Variants in PRKN observed in about 807,000 individuals in gnomAD.
PRKN encodes parkin RBR E3 ubiquitin protein ligase, also known as E3 ubiquitin-protein ligase parkin.
Under a neutral mutation model 59.5 loss-of-function variants are expected in PRKN, and 56 were observed. That is an observed-to-expected ratio of 0.94 (90% CI 0.76 to 1.18). PRKN has a LOEUF of 1.18. PRKN is among the 50% of genes most tolerant of loss of function. The pLI, the probability that PRKN is intolerant of heterozygous loss-of-function variation, is 0.00. For synonymous variants in PRKN, 250 were observed against 222.1 expected (o/e 1.13, Z -1.12); for missense variants, 657 against 596.4 (o/e 1.10, Z -1.06).
At chr6:162,495,386 T>G (rs543629572) in intron 1 of PRKN, among the ~76,000 whole-genome samples, 2 of 152,310 alleles carry the variant, frequency 1.3e-5, no homozygotes, top group Admixed American at 1.3e-4. Context: ...TATTTCAGTC[T>G]CAAATATTTT....
At chr6:162,331,800 G>A (rs893185191) in intron 2 of PRKN, among the ~76,000 whole-genome samples, 12 of 152,020 alleles carry the variant, frequency 7.9e-5, no homozygotes, top group African/African-American at 2.9e-4. Flanking sequence ...TTTCTTTCTT[G>A]CTGACTGAGA....
chr6:161,544,019 A>G lies in PRKN; in HGVS notation c.1083+4835T>C, dbSNP rs1004699699. Among the ~76,000 whole-genome samples the G allele has an allele frequency of 2.0e-5, 3 of 152,244 alleles. No homozygotes were observed. Among genetic ancestry groups the G allele is most frequent in the African/African-American group, 7.2e-5 (3 of 41,472 alleles). On this transcript the variant is annotated intron_variant, in intron 9 of 11. Coordinates refer to ENST00000366898, the MANE Select transcript of PRKN (RefSeq NM_004562.3). The surrounding 1 kb of genome is among the most constrained non-coding windows in gnomAD (Gnocchi z 5.5). ...ATCAATTAATTTTTTTATGAGCAGT[A>G]GTAAAAATAGGATCTAGGGTTAGCA...
At chr6:162,497,910 A>C (rs1021167741) in intron 1 of PRKN, among the ~76,000 whole-genome samples, 1 of 152,230 alleles carries the variant, frequency 6.6e-6, no homozygotes. Flanking sequence ...AAGATTTGAA[A>C]TGTTCCCAAC....
rs578134368 is a variant in PRKN at position 162,090,959 on chromosome 6, A to G, written c.535-36785T>C. ...CCCTCATTGCTTTCCAGCTATTTAC[A>G]CTTGCCAGTATAATACAAGATTCTT... On this transcript the variant is annotated intron_variant, in intron 4 of 11. Coordinates refer to ENST00000366898, the MANE Select transcript of PRKN (RefSeq NM_004562.3). Among the ~76,000 whole-genome samples, 39 of 141,340 alleles carry G rather than the reference A, an allele frequency of 2.8e-4. 1 individual carries two copies. Among genetic ancestry groups the G allele is most frequent in the Non-Finnish European group, 4.8e-4 (29 of 60,320 alleles). 92.7% of individuals were successfully genotyped at this position (141,340 alleles called of 152,430 possible). A position where few individuals can be genotyped will look rare whatever the true frequency, so the allele number is the denominator to read the frequency against.
rs750049993 is a variant in PRKN at position 161,447,864 on chromosome 6, ACAGGC to A, written c.1084-60992_1084-60988del. Among the ~76,000 whole-genome samples the A allele has an allele frequency of 6.6e-5, 10 of 152,128 alleles. No homozygotes were observed. The highest frequency in any genetic ancestry group is 1.2e-4 in the Non-Finnish European group (8 of 68,024). On this transcript the variant is annotated intron_variant, in intron 9 of 11. Coordinates refer to ENST00000366898, the MANE Select transcript of PRKN (RefSeq NM_004562.3). This position sits in a 1 kb window ranked among gnomAD's most constrained non-coding sequence, Gnocchi z 4.1. ...AAAATTTCAGGACCTTCCAAATTTCACAGGCCTAGAGGAAAGTTAAGCCCTGGAAA... is the reference window on the plus strand; with the variant it reads ...AAAATTTCAGGACCTTCCAAATTTCACTAGAGGAAAGTTAAGCCCTGGAAA...
intron 3 of PRKN, among the ~76,000 whole-genome samples, chr6:162,206,687 A>G (rs1453698377): frequency 5.3e-5 from 8 of 152,158 alleles, no homozygotes; most frequent in Admixed American, 5.2e-4. Context: ...GCATGGCCAG[A>G]GTTTCTGGAC....
chr6:161,852,884 T>C (rs1181071020), intron 6 of PRKN, among the ~76,000 whole-genome samples: 1 of 152,160 alleles, frequency 6.6e-6, no homozygotes, highest in Non-Finnish European at 1.5e-5. Context: ...GAGCACCGCG[T>C]GGGCCTCTGA....
intron 1 of PRKN, among the ~76,000 whole-genome samples, chr6:162,678,646 T>C (rs910624451): frequency 6.6e-6 from 1 of 152,222 alleles, no homozygotes; most frequent in Non-Finnish European, 1.5e-5. Flanking sequence ...ATTGGGTTGT[T>C]TTAGTATTTA....
intron 4 of PRKN, among the ~76,000 whole-genome samples, chr6:162,177,036 C>T (rs1004389780): frequency 1.3e-5 from 2 of 150,814 alleles, no homozygotes; most frequent in South Asian, 4.2e-4. Flanking sequence ...ATATTTTACT[C>T]ACACACAAAA....
At chr6:161,439,675 T>C (rs904195402) in intron 9 of PRKN, among the ~76,000 whole-genome samples, 2 of 149,662 alleles carry the variant, frequency 1.3e-5, no homozygotes, top group African/African-American at 5.0e-5. Flanking sequence ...GAGCTAGAAG[T>C]GTACCTTTGG....
chr6:161,651,114 T>C (rs1304649945), intron 7 of PRKN, among the ~76,000 whole-genome samples: 1 of 152,182 alleles, frequency 6.6e-6, no homozygotes, highest in East Asian at 1.9e-4. Context: ...CTAATGCTTG[T>C]CTTTAAGAAG....
chr6:161,905,377 C>T (rs1269374130), intron 6 of PRKN, among the ~76,000 whole-genome samples: 1 of 152,194 alleles, frequency 6.6e-6, no homozygotes, highest in Admixed American at 6.5e-5. Flanking sequence ...ATTCCTTACA[C>T]TAACTTTGAA....
At chr6:162,098,670 C>T (rs1370931867) in intron 4 of PRKN, among the ~76,000 whole-genome samples, 1 of 152,234 alleles carries the variant, frequency 6.6e-6, no homozygotes, top group Non-Finnish European at 1.5e-5. Context: ...CTATATTTTA[C>T]TCTTAATCTA....
At chr6:162,546,000 T>A (rs1779101942) in intron 1 of PRKN, among the ~76,000 whole-genome samples, 1 of 152,114 alleles carries the variant, frequency 6.6e-6, no homozygotes, top group Admixed American at 6.6e-5. Flanking sequence ...GTATATCTTC[T>A]ATGGCACACA....
chr6:161,958,647 G>A (rs1244799214), intron 6 of PRKN, among the ~76,000 whole-genome samples: 1 of 152,112 alleles, frequency 6.6e-6, no homozygotes, highest in African/African-American at 2.4e-5. Flanking sequence ...GGGAGGCCAA[G>A]ACAGGTGGAT....
At chr6:161,611,933 C>A (rs1236856704) in intron 7 of PRKN, among the ~76,000 whole-genome samples, 4 of 152,184 alleles carry the variant, frequency 2.6e-5, no homozygotes, top group Admixed American at 6.5e-5. Flanking sequence ...GATAAGAAAG[C>A]AAACAGCCTT....
intron 7 of PRKN, among the ~76,000 whole-genome samples, chr6:161,740,589 T>C (rs745463871): frequency 1.5e-4 from 23 of 152,304 alleles, no homozygotes; most frequent in East Asian, 9.6e-4. Flanking sequence ...GTTTGCAACA[T>C]TGATGAACAC....
intron 6 of PRKN, among the ~76,000 whole-genome samples, chr6:161,940,733 G>A (rs1328022300): frequency 6.6e-6 from 1 of 152,168 alleles, no homozygotes; most frequent in African/African-American, 2.4e-5. Flanking sequence ...TGACTGTTCA[G>A]AAATCAGAAT....
At chr6:162,552,283 G>A (rs1034027482) in intron 1 of PRKN, among the ~76,000 whole-genome samples, 2 of 152,096 alleles carry the variant, frequency 1.3e-5, no homozygotes, top group African/African-American at 4.8e-5. Flanking sequence ...GTGCAATGTA[G>A]GGGGAAAAAA....
Sources: allele counts gnomAD v4.1 joint callset (sites outside exome capture counted in the v4.1 genomes callset), GRCh38; gene constraint gnomAD v4.1.1; non-coding constraint Gnocchi (gnomAD v3.1); transcripts MANE v1.5; gene names NCBI Gene and HGNC (gene_info 2026-07-23, HGNC 2026-07-21).